SLCO1B3: variants seen among roughly 807,000 people sequenced by gnomAD.
The protein encoded by SLCO1B3 is solute carrier organic anion transporter family member 1B3.
In SLCO1B3, 72 loss-of-function variants were observed where a neutral mutation model predicts 71.8. The observed-to-expected ratio is 1.00, with a 90% CI of 0.83 to 1.22. The LOEUF (loss-of-function observed/expected upper bound fraction) is 1.22, where lower values mean the gene tolerates loss of function less well. Ranked by LOEUF, SLCO1B3 falls within the 50% of genes most tolerant of loss-of-function variation. The pLI is 0.00. For synonymous variants in SLCO1B3, 298 were observed against 278.4 expected, an observed-to-expected ratio of 1.07 and a Z score of -0.70; for missense variants, 911 against 819.7, an observed-to-expected ratio of 1.11 and a Z score of -1.36.
At chr12:20,901,099 T>TATA in intron 14 of SLCO1B3, among the ~76,000 whole-genome samples, 1 of 152,252 alleles carries the variant, frequency 6.6e-6, no homozygotes, top group South Asian at 2.1e-4. Flanking sequence ...TATATAGGCA[T>TATA]ATAATACTCT....
At chr12:20,817,449 A>T (rs969992435) in intron 3 of SLCO1B3, among the ~76,000 whole-genome samples, 4 of 152,118 alleles carry the variant, frequency 2.6e-5, no homozygotes, top group Admixed American at 2.0e-4. Context: ...TCTTTTCCCC[A>T]TTGAATGTTC....
chr12:20,892,690 A>G (rs1323168657), intron 13 of SLCO1B3, among the ~76,000 whole-genome samples: 2 of 152,312 alleles, frequency 1.3e-5, no homozygotes, highest in African/African-American at 2.4e-5. Flanking sequence ...CAGATGAGAA[A>G]GAGGAGGAAG....
chr12:20,913,010 A>G (rs919136940), intron 15 of SLCO1B3, among the ~76,000 whole-genome samples: 9 of 152,168 alleles, frequency 5.9e-5, no homozygotes, highest in African/African-American at 2.2e-4. Context: ...ATAGACCAGA[A>G]TGTGGTCTAT....
In SLCO1B3 at chr12:20,865,480, C is replaced by A. The variant is rs559479646; in HGVS notation, c.727+2626C>A. Among the ~76,000 whole-genome samples, 138 of 152,028 alleles carry A rather than the reference C, an allele frequency of 9.1e-4. 1 individual carries two copies. Among genetic ancestry groups the A allele is most frequent in the Non-Finnish European group, 1.3e-3 (85 of 67,918 alleles). ...TTCCGTGTGTGTACGCTTTCTTAAT[C>A]TTTATTATTTTTATTTTACTGAGAT... On this transcript the variant is annotated intron_variant, in intron 8 of 15. Transcript: ENST00000381545.
chr12:20,861,230 T>A, intron 6 of SLCO1B3, 92 bp downstream of exon 6: 1 of 1,096,972 alleles, frequency 9.1e-7, no homozygotes. Flanking sequence ...AAAATTGATT[T>A]AAGAACAAAT....
intron 15 of SLCO1B3, among the ~76,000 whole-genome samples, chr12:20,913,585 C>T (rs1292018663): frequency 6.6e-6 from 1 of 152,068 alleles, no homozygotes; most frequent in East Asian, 1.9e-4. Context: ...GAAGTCTGCT[C>T]TGTTTGAAAT....
intron 3 of SLCO1B3, among the ~76,000 whole-genome samples, chr12:20,844,241 C>CAT (rs1305636604): frequency 1.3e-5 from 2 of 151,680 alleles, no homozygotes; most frequent in East Asian, 3.9e-4. Context: ...AGATACCTTA[C>CAT]ATATATATAT....
intron 4 of SLCO1B3, among the ~76,000 whole-genome samples, chr12:20,855,969 A>G (rs954509224): frequency 1.3e-5 from 2 of 152,196 alleles, no homozygotes; most frequent in South Asian, 2.1e-4. Context: ...AACTGTATTT[A>G]CACAATGCTT....
At chr12:20,822,445 G>A (rs1040094122) in intron 3 of SLCO1B3, among the ~76,000 whole-genome samples, 1 of 152,276 alleles carries the variant, frequency 6.6e-6, no homozygotes. Context: ...CAAAGGGTTA[G>A]TCACTCAGTT....
intron 3 of SLCO1B3, among the ~76,000 whole-genome samples, chr12:20,849,744 C>CATAT (rs56020380): frequency 1.3e-5 from 2 of 148,256 alleles, no homozygotes; most frequent in African/African-American, 2.5e-5. Flanking sequence ...CACACACACA[C>CATAT]ATATTACTTG....
chr12:20,860,599 T>TGTGTGTGTGTGTGTGTGTGTGTG (rs1555156228), intron 5 of SLCO1B3, among the ~76,000 whole-genome samples: 4 of 146,638 alleles, frequency 2.7e-5, no homozygotes, highest in African/African-American at 1.0e-4. Context: ...GTCAAGCACT[T>TGTGTGTGTGTGTGTGTGTGTGTG]TGTGTGTGTG....
At chr12:20,837,033 G>T (rs974441294) in intron 3 of SLCO1B3, among the ~76,000 whole-genome samples, 8 of 152,174 alleles carry the variant, frequency 5.3e-5, no homozygotes, top group African/African-American at 1.9e-4. Flanking sequence ...TCTTGTAGGA[G>T]TTTGAGTAGA....
intron 13 of SLCO1B3, among the ~76,000 whole-genome samples, chr12:20,887,599 GTAGATTCTGGATAT>G (rs926952410): frequency 4.6e-5 from 7 of 151,268 alleles, no homozygotes; most frequent in African/African-American, 1.5e-4. Flanking sequence ...TTGAGTTCTT[GTAGATTCTGGATAT>G]TAGCCCTTTG....
At chr12:20,820,229 C>T (rs566122036) in intron 3 of SLCO1B3, among the ~76,000 whole-genome samples, 19 of 151,970 alleles carry the variant, frequency 1.3e-4, no homozygotes, top group Non-Finnish European at 7.4e-5. Context: ...GCTCGGCGTC[C>T]GTGATGGTCT....
At chr12:20,817,286 G>T (rs1479404639) in intron 3 of SLCO1B3, among the ~76,000 whole-genome samples, 1 of 152,214 alleles carries the variant, frequency 6.6e-6, no homozygotes, top group Non-Finnish European at 1.5e-5. Flanking sequence ...TTGCCCAGAT[G>T]AACGTCCTGG....
At chr12:20,875,500 C>T in intron 9 of SLCO1B3, 23 bp downstream of exon 9, 2 of 1,586,462 alleles carry the variant, frequency 1.3e-6, no homozygotes, top group Non-Finnish European at 1.7e-6. Context: ...CATTCATTGT[C>T]AACTTGGAAT....
chr12:20,891,960 T>C (rs1865912623), intron 13 of SLCO1B3, among the ~76,000 whole-genome samples: 1 of 152,128 alleles, frequency 6.6e-6, no homozygotes, highest in South Asian at 2.1e-4. Flanking sequence ...TTTAACTTTC[T>C]TTTGGATCTC....
At chr12:20,855,563 C>G (rs1008073799) in intron 4 of SLCO1B3, among the ~76,000 whole-genome samples, 2 of 151,808 alleles carry the variant, frequency 1.3e-5, no homozygotes, top group Non-Finnish European at 2.9e-5. Context: ...TGAGGGAGGA[C>G]GATAATTCTT....
At chr12:20,887,440 C>T (rs555489977) in intron 13 of SLCO1B3, among the ~76,000 whole-genome samples, 9 of 151,876 alleles carry the variant, frequency 5.9e-5, no homozygotes, top group South Asian at 2.1e-4. Flanking sequence ...TATCTCATTA[C>T]GGTTTTAATT....
Sources: allele counts gnomAD v4.1 joint callset (sites outside exome capture counted in the v4.1 genomes callset), GRCh38; gene constraint gnomAD v4.1.1; transcripts MANE v1.5; gene names NCBI Gene and HGNC (gene_info 2026-07-23, HGNC 2026-07-21).